Variants in MAD1L1 observed in about 807,000 individuals in gnomAD.
The protein encoded by MAD1L1 is mitotic arrest deficient 1 like 1.
In MAD1L1, 95 loss-of-function variants were observed where a neutral mutation model predicts 96.9. The observed-to-expected ratio is 0.98, with a 90% CI of 0.83 to 1.16. The LOEUF is 1.16. Among genes scored for constraint, MAD1L1 ranks in the 50% most tolerant of loss-of-function variants. MAD1L1 has a pLI of 0.00. For missense variants in MAD1L1, 1,007 were observed against 954.4 expected (o/e 1.06, Z -0.73); for synonymous variants, 473 against 396.6 (o/e 1.19, Z -2.29).
At chr7:2,132,329 G>A (rs1470162790) in intron 11 of MAD1L1, among the ~76,000 whole-genome samples, 1 of 152,206 alleles carries the variant, frequency 6.6e-6, no homozygotes, top group Non-Finnish European at 1.5e-5. Flanking sequence ...CACTTGTCAT[G>A]TCTTACATTC....
rs191349428 is a variant in MAD1L1 at position 1,815,937 on chromosome 7, G to A, written c.*133C>T. ...CAGGAAGCCCGACGTAGGTCCCAGCGTGTCTGTCAGTCATGCTGCTGCCCT... is the reference window on the plus strand; with the variant it reads ...CAGGAAGCCCGACGTAGGTCCCAGCATGTCTGTCAGTCATGCTGCTGCCCT... On this transcript the variant is annotated 3_prime_UTR_variant, in exon 19 of 19. Coordinates refer to ENST00000265854, the MANE Select transcript of MAD1L1 (RefSeq NM_001013836.2). 5.4e-4 allele frequency: 585 copies of A among 1,078,318 alleles called. 3 individuals are homozygous for A. The African/African-American group carries it at 7.9e-3, about 14-fold the overall frequency. The allele number at this position is 1,078,318 out of a possible 1,614,324, so 66.8% of individuals were successfully genotyped here.
intron 18 of MAD1L1, among the ~76,000 whole-genome samples, chr7:1,895,262 C>A (rs986575329): frequency 6.6e-6 from 1 of 152,196 alleles, no homozygotes; most frequent in African/African-American, 2.4e-5. Flanking sequence ...GTCTTGGCAA[C>A]CATGATGGAT....
chr7:2,049,723 G>A (rs1405385288), intron 12 of MAD1L1, among the ~76,000 whole-genome samples: 1 of 152,208 alleles, frequency 6.6e-6, no homozygotes, highest in South Asian at 2.1e-4. Flanking sequence ...CCAGTGTCCA[G>A]GAGGACTATC....
intron 17 of MAD1L1, among the ~76,000 whole-genome samples, chr7:1,934,235 C>T (rs905001620): frequency 6.6e-6 from 1 of 152,222 alleles, no homozygotes. Context: ...CTGGCCCTGA[C>T]TTCTCCATGG....
intron 12 of MAD1L1, among the ~76,000 whole-genome samples, chr7:2,063,340 A>T (rs983046756): frequency 2.6e-5 from 4 of 152,202 alleles, no homozygotes; most frequent in Non-Finnish European, 4.4e-5. Context: ...GCTGTGCCGG[A>T]TCCCAGGACT....
intron 12 of MAD1L1, among the ~76,000 whole-genome samples, chr7:2,016,358 T>C (rs1467216724): frequency 6.6e-6 from 1 of 152,038 alleles, no homozygotes; most frequent in Non-Finnish European, 1.5e-5. Flanking sequence ...AAAGGGCAAA[T>C]TCATGGCCCT....
chr7:2,153,087 TAAAGAAAAC>T (rs1418879794), intron 10 of MAD1L1, among the ~76,000 whole-genome samples: 1 of 151,958 alleles, frequency 6.6e-6, no homozygotes, highest in Non-Finnish European at 1.5e-5. Context: ...TAAAAAATAC[TAAAGAAAAC>T]AAGGAAAACA....
chr7:1,952,885 C>A (rs111873866), intron 16 of MAD1L1, among the ~76,000 whole-genome samples: 4,959 of 152,312 alleles, frequency 0.033, 135 homozygotes, highest in Non-Finnish European at 0.049. Flanking sequence ...AAGAGTCCAG[C>A]GAGCGGGAGA....
chr7:2,008,683 G>A (rs1220366010), intron 13 of MAD1L1, among the ~76,000 whole-genome samples: 4 of 152,184 alleles, frequency 2.6e-5, no homozygotes, highest in African/African-American at 7.2e-5. Context: ...AGCCCACCCC[G>A]GGCTGGGTGC....
chr7:2,207,359 T>C (rs1284783770), intron 10 of MAD1L1, among the ~76,000 whole-genome samples: 6 of 152,290 alleles, frequency 3.9e-5, no homozygotes, highest in East Asian at 1.9e-4. Flanking sequence ...CAGCTTCAGA[T>C]AGGGTGGTTA....
At chr7:2,140,877 GA>G (rs1337078319) in intron 11 of MAD1L1, among the ~76,000 whole-genome samples, 3 of 152,232 alleles carry the variant, frequency 2.0e-5, no homozygotes, top group Non-Finnish European at 4.4e-5. Flanking sequence ...ATAAAAGGGG[GA>G]GTTTCACATT....
intron 16 of MAD1L1, among the ~76,000 whole-genome samples, chr7:1,957,416 C>T (rs1343864938): frequency 2.0e-5 from 3 of 152,186 alleles, no homozygotes; most frequent in African/African-American, 4.8e-5. Flanking sequence ...GTGGGTGGTG[C>T]GGGCCGCAGA....
At chr7:2,121,119 C>A (rs1043081499) in intron 11 of MAD1L1, among the ~76,000 whole-genome samples, 1 of 152,234 alleles carries the variant, frequency 6.6e-6, no homozygotes, top group Admixed American at 6.5e-5. Flanking sequence ...GCAGGCGCCC[C>A]GCCACAGCAT....
intron 18 of MAD1L1, among the ~76,000 whole-genome samples, chr7:1,888,840 T>C (rs1214293115): frequency 6.6e-6 from 1 of 152,210 alleles, no homozygotes; most frequent in Non-Finnish European, 1.5e-5. Context: ...TTTGTGTCCA[T>C]GTGTCAGTGG....
At chr7:2,223,464 T>G (rs1204726752) in intron 4 of MAD1L1, 1 of 152,210 alleles carries the variant, frequency 6.6e-6, no homozygotes, top group Admixed American at 6.5e-5. Context: ...TGAGTCCTGG[T>G]GGAGCCCGGC....
intron 10 of MAD1L1, among the ~76,000 whole-genome samples, chr7:2,200,109 C>T (rs926650885): frequency 6.6e-6 from 1 of 152,240 alleles, no homozygotes; most frequent in Non-Finnish European, 1.5e-5. Flanking sequence ...GGCGCACCCA[C>T]GACAGGTGGA....
chr7:2,060,170 C>T (rs67968373), intron 12 of MAD1L1, among the ~76,000 whole-genome samples: 27,207 of 146,680 alleles, frequency 0.19, 4,164 homozygotes, highest in African/African-American at 0.41. Context: ...AGCCGAGATA[C>T]GCCGATGCCG....
chr7:2,073,974 T>A (rs993519006), intron 11 of MAD1L1, among the ~76,000 whole-genome samples: 1 of 152,120 alleles, frequency 6.6e-6, no homozygotes, highest in Non-Finnish European at 1.5e-5. Context: ...TGAAATCTTC[T>A]GAACAACAGA....
At chr7:1,817,757 C>T (rs926686839) in intron 18 of MAD1L1, among the ~76,000 whole-genome samples, 3 of 152,098 alleles carry the variant, frequency 2.0e-5, no homozygotes, top group South Asian at 2.1e-4. Flanking sequence ...GCGCTCCCTC[C>T]GCCCGGCAGC....
Sources: gnomAD v4.1 joint callset for allele counts (sites outside exome capture counted in the v4.1 genomes callset) on GRCh38, gnomAD v4.1.1 for gene constraint, MANE v1.5 for transcripts, NCBI Gene and HGNC (gene_info 2026-07-23, HGNC 2026-07-21) for gene names.